PCDHGA10: variants seen among roughly 807,000 people sequenced by gnomAD.
PCDHGA10 encodes protocadherin gamma subfamily A, 10, also known as protocadherin gamma-A10.
Under a neutral mutation model 59.5 loss-of-function variants are expected in PCDHGA10, and 42 were observed. That is an observed-to-expected ratio of 0.71 (90% CI 0.55 to 0.91). The LOEUF is 0.91. PCDHGA10 is among the 40% of genes least tolerant of loss of function. The probability of loss-of-function intolerance (pLI) is 0.00; values close to 1 mark genes in which losing one functional copy is unlikely to be tolerated. For synonymous variants in PCDHGA10, 511 were observed against 517.2 expected (o/e 0.99, Z 0.16); for missense variants, 1,111 against 1,198.2 (o/e 0.93, Z 1.07).
chr5:141,448,232 T>A (rs917554207), intron 1 of PCDHGA10, among the ~76,000 whole-genome samples: 1 of 152,094 alleles, frequency 6.6e-6, no homozygotes, highest in Admixed American at 6.6e-5. Context: ...ATGTGTGGGG[T>A]TTTCTTTGCA....
Position 141,414,344 on chromosome 5 carries a change from T to C in PCDHGA10, c.1169T>C (p.Ile390Thr). The change falls in exon 1 of 4, where the codon ATT (isoleucine) becomes ACT (threonine). Residue 390 changes from isoleucine (I) to threonine (T), a missense_variant. By Grantham distance (89) the Ile-to-Thr change is moderately conservative. Coordinates refer to ENST00000398610, the MANE Select transcript of PCDHGA10 (RefSeq NM_018913.3). Reference sequence around the variant, plus strand: ...CAGAATGGACAGGTAACCTGTTCCATTTTGGCGTATCTACCATTTAAATTA... The same window carrying C: ...CAGAATGGACAGGTAACCTGTTCCACTTTGGCGTATCTACCATTTAAATTA... The part of the protein sequence containing the change: ...SEQNGQVTCS[I>T]LAYLPFKLEK... The C allele has an allele frequency of 6.2e-7, 1 of 1,613,882 alleles. No homozygotes were observed. Among genetic ancestry groups the C allele is most frequent in the Non-Finnish European group, 8.5e-7 (1 of 1,179,874 alleles).
rs141514361 is a variant in PCDHGA10, at chr5:141,494,629, A to G, written c.2437-178A>G. 4,666 of 858,664 alleles carry G rather than the reference A, an allele frequency of 5.4e-3. 23 individuals are homozygous for G. Among genetic ancestry groups the G allele is most frequent in the Admixed American group, 0.011 (170 of 16,094 alleles). 53.2% of individuals were successfully genotyped at this position (858,664 alleles called of 1,614,324 possible). On this transcript the variant is annotated intron_variant, in intron 1 of 3. Coordinates refer to ENST00000398610, the MANE Select transcript of PCDHGA10 (RefSeq NM_018913.3). ...TATCTCTTGGTTTCTGGTACCTCAGACCTCTGAGACCTGAGGTGTATTTTG... is the reference window on the plus strand; with the variant it reads ...TATCTCTTGGTTTCTGGTACCTCAGGCCTCTGAGACCTGAGGTGTATTTTG...
intron 3 of PCDHGA10, chr5:141,508,415 A>T (rs2099868684): frequency 6.6e-6 from 1 of 152,158 alleles, no homozygotes; most frequent in Non-Finnish European, 1.5e-5. Context: ...CCACGCAGAG[A>T]CTTGACCAAG....
intron 1 of PCDHGA10, among the ~76,000 whole-genome samples, chr5:141,472,889 G>A (rs1163806093): frequency 6.6e-6 from 1 of 151,392 alleles, no homozygotes; most frequent in Non-Finnish European, 1.5e-5. Context: ...GGGAGGCTGA[G>A]GCAGGAGAAT....
rs370242892 is a variant in PCDHGA10 at position 141,420,225 on chromosome 5, C to A, written c.2436+4614C>A. On this transcript the variant is annotated intron_variant, in intron 1 of 3. Coordinates refer to ENST00000398610, the MANE Select transcript of PCDHGA10 (RefSeq NM_018913.3). ...CTCAACAAAGATAGCATGCTACTGGCTAGCATTTTAACTCCCAGCGTTGAA... is the reference window on the plus strand; with the variant it reads ...CTCAACAAAGATAGCATGCTACTGGATAGCATTTTAACTCCCAGCGTTGAA... 13 of 1,603,470 alleles carry A rather than the reference C, an allele frequency of 8.1e-6. No homozygotes were observed. In the African/African-American group the frequency reaches 1.7e-4, roughly 21 times the overall value.
chr5:141,491,114 C>T lies in PCDHGA10; in HGVS notation c.2437-3693C>T, dbSNP rs1240431232. 1 of 1,614,104 alleles carries T rather than the reference C, an allele frequency of 6.2e-7. No homozygotes were observed. Among genetic ancestry groups the T allele is most frequent in the Admixed American group, 1.7e-5 (1 of 60,012 alleles). ...GGACTGTTCCTCGTGTCTACACACA[C>T]TGGTGAGGTGCGCACAGCCCGGGCC... On this transcript the variant is annotated intron_variant, in intron 1 of 3. Transcript: ENST00000398610. The surrounding 1 kb of genome is among the most constrained non-coding windows in gnomAD (Gnocchi z 6.9).
chr5:141,496,144 T>C (rs1478887814), intron 2 of PCDHGA10, among the ~76,000 whole-genome samples: 1 of 151,780 alleles, frequency 6.6e-6, no homozygotes, highest in Non-Finnish European at 1.5e-5. Context: ...GAGCCTTTGA[T>C]CGCAGCTCTC....
In PCDHGA10 at chr5:141,422,312, C is replaced by T; in HGVS notation, c.2436+6701C>T. On this transcript the variant is annotated intron_variant, in intron 1 of 3. Coordinates refer to ENST00000398610, the MANE Select transcript of PCDHGA10 (RefSeq NM_018913.3). ...ATTAATTCAATTCTGGAAAACTCTC[C>T]TCCAGGTACAGTGATTGCTCTTCTA... The T allele has an allele frequency of 1.9e-6, 3 of 1,547,444 alleles. No individual in the cohort carries two copies. Among genetic ancestry groups the T allele is most frequent in the Non-Finnish European group, 1.7e-6 (2 of 1,153,976 alleles).
rs759899934 is a variant in PCDHGA10, at chr5:141,421,255, C to G, written c.2436+5644C>G. The stretch of plus-strand genomic sequence containing the variant: ...GGCGAATCGGCTACAGCGCGGGGAC[C>G]GCAGTCGGCTGCTGCTGCTGCTGTG... On this transcript the variant is annotated intron_variant, in intron 1 of 3. Coordinates refer to ENST00000398610, the MANE Select transcript of PCDHGA10 (RefSeq NM_018913.3). The G allele has an allele frequency of 6.0e-5, 97 of 1,607,644 alleles. No individual in the cohort carries two copies. Among genetic ancestry groups the G allele is most frequent in the Middle Eastern group, 3.3e-4 (2 of 6,058 alleles).
chr5:141,433,358 C>T (rs974347696), intron 1 of PCDHGA10: 20 of 503,934 alleles, frequency 4.0e-5, no homozygotes, highest in African/African-American at 3.1e-4. Flanking sequence ...CTACTGTCTG[C>T]CTATCTATCT....
intron 2 of PCDHGA10, among the ~76,000 whole-genome samples, chr5:141,503,088 C>T (rs1003234288): frequency 4.0e-5 from 6 of 151,864 alleles, no homozygotes; most frequent in Admixed American, 1.3e-4. Context: ...CTCCTGACCT[C>T]GTGGTCTGCC....
chr5:141,509,320 C>T (rs1261653347), intron 3 of PCDHGA10, among the ~76,000 whole-genome samples: 2 of 152,194 alleles, frequency 1.3e-5, no homozygotes, highest in East Asian at 3.8e-4. Flanking sequence ...GGGAGAGAAG[C>T]TCTACTGCCA....
chr5:141,500,445 G>A (rs1319009998), intron 2 of PCDHGA10, among the ~76,000 whole-genome samples: 1 of 151,816 alleles, frequency 6.6e-6, no homozygotes, highest in Non-Finnish European at 1.5e-5. Flanking sequence ...TCCTGACCTC[G>A]TGATCCGCCC....
chr5:141,496,377 G>A (rs1413938730), intron 2 of PCDHGA10, among the ~76,000 whole-genome samples: 1 of 152,114 alleles, frequency 6.6e-6, no homozygotes, highest in Non-Finnish European at 1.5e-5. Flanking sequence ...CAGGAGCTTG[G>A]GCCACCTTAC....
intron 1 of PCDHGA10, chr5:141,428,630 C>T: frequency 5.4e-6 from 1 of 185,692 alleles, no homozygotes; most frequent in Non-Finnish European, 1.1e-5. Context: ...AGCTCTAACT[C>T]TGTTGCTCCT....
In PCDHGA10 at chr5:141,485,872, G is replaced by A; in HGVS notation, c.2437-8935G>A. ...CCGCAGAGCTCCGGGTATCCGTGCT[G>A]GACGTAAACGACAACGCCCCAGCCT... On this transcript the variant is annotated intron_variant, in intron 1 of 3. Transcript: ENST00000398610. The surrounding 1 kb of genome is among the most constrained non-coding windows in gnomAD (Gnocchi z 5.7). 1 of 1,614,170 alleles carries A rather than the reference G, an allele frequency of 6.2e-7. No homozygotes were observed. The highest frequency in any genetic ancestry group is 2.2e-5 in the East Asian group (1 of 44,876).
At chr5:141,433,607 G>T (rs1209706866) in intron 1 of PCDHGA10, among the ~76,000 whole-genome samples, 1 of 152,080 alleles carries the variant, frequency 6.6e-6, no homozygotes. Flanking sequence ...AGGCCGAGGC[G>T]GGTGGATCAC....
At chr5:141,440,150 A>G (rs770863453) in intron 1 of PCDHGA10, 1 of 152,244 alleles carries the variant, frequency 6.6e-6, no homozygotes, top group African/African-American at 2.4e-5. Context: ...ACGCCCCCCA[A>G]TTATAGCTTG....
At position 141,414,071 on chromosome 5, in the gene PCDHGA10, A is replaced by C; in HGVS notation, c.896A>C (p.Asn299Thr). ...ACGCAATTGTTGAAGTTCCAACTAA[A>C]CAAATATACTGGAGAAATAAAAATA... ...PDTQLLKFQL[N>T]KYTGEIKISE... Residue 299 changes from asparagine (N) to threonine (T), a missense_variant, in exon 1 of 4, where the codon AAC (asparagine) becomes ACC (threonine). Asn to Thr is a moderately conservative substitution (Grantham distance 65). Transcript: ENST00000398610. 1 of 1,606,780 alleles carries C rather than the reference A, an allele frequency of 6.2e-7. No homozygotes were observed. Among genetic ancestry groups the C allele is most frequent in the Non-Finnish European group, 8.5e-7 (1 of 1,176,512 alleles).
Sources: allele counts gnomAD v4.1 joint callset (sites outside exome capture counted in the v4.1 genomes callset), GRCh38; gene constraint gnomAD v4.1.1; non-coding constraint Gnocchi (gnomAD v3.1); transcripts MANE v1.5; gene names NCBI Gene and HGNC (gene_info 2026-07-23, HGNC 2026-07-21).